Variants in THOC1 observed in about 807,000 individuals in gnomAD.
THOC1 encodes the protein THO complex subunit 1.
Under a neutral mutation model 97.3 loss-of-function variants are expected in THOC1, and 29 were observed. That is an observed-to-expected ratio of 0.30 (90% CI 0.22 to 0.41). The LOEUF is 0.41. Ranked by LOEUF, THOC1 falls within the 10% of genes least tolerant of loss-of-function variation. THOC1 has a pLI of 1.00. For synonymous variants in THOC1, 255 were observed against 257.0 expected, an observed-to-expected ratio of 0.99 and a Z score of 0.07; for missense variants, 529 against 761.9, an observed-to-expected ratio of 0.69 and a Z score of 3.60.
chr18:246,714 C>T (rs1411339775), intron 10 of THOC1, among the ~76,000 whole-genome samples: 1 of 151,986 alleles, frequency 6.6e-6, no homozygotes, highest in Non-Finnish European at 1.5e-5. Flanking sequence ...TGGTGGCTCA[C>T]GCCTGTAATC....
chr18:252,961 T>C (rs1371735088), intron 8 of THOC1, among the ~76,000 whole-genome samples: 1 of 152,338 alleles, frequency 6.6e-6, no homozygotes, highest in East Asian at 1.9e-4. Flanking sequence ...ACAGCATGAA[T>C]AGCTAATTCA....
intron 15 of THOC1, 102 bp from the exon 16 acceptor site, chr18:224,281 A>G (rs1244568507): frequency 1.1e-6 from 1 of 934,520 alleles, no homozygotes; most frequent in Non-Finnish European, 1.6e-6. Context: ...TTTTCCTCTT[A>G]AAAAAGATGA....
intron 11 of THOC1, among the ~76,000 whole-genome samples, chr18:232,945 T>C (rs930505350): frequency 6.6e-6 from 1 of 152,250 alleles, no homozygotes; most frequent in Non-Finnish European, 1.5e-5. Flanking sequence ...TTTTGAATAC[T>C]AATTTTTCCC....
rs1911246425 is a variant in THOC1, at chr18:225,419, A to G, written c.1020-16T>C. On this transcript the variant is annotated splice_polypyrimidine_tract_variant and intron_variant, in intron 12 of 20. Transcript: ENST00000261600. ...ATAGTTTGAACTAGGGAACAAAGCA[A>G]TGAAAGCATGCTTGAGTTACAGCAA... 7.5e-6 allele frequency: 12 copies of G among 1,608,964 alleles called. No homozygotes were observed. Among genetic ancestry groups the G allele is most frequent in the Non-Finnish European group, 1.0e-5 (12 of 1,177,472 alleles).
At chr18:260,018 A>G (rs1912554036) in intron 5 of THOC1, 168 bp downstream of exon 5, 1 of 533,410 alleles carries the variant, frequency 1.9e-6, no homozygotes, top group East Asian at 3.4e-5. Flanking sequence ...TTCTCCACAC[A>G]TGGTTTTTAT....
At chr18:216,884 T>G (rs537069902) in intron 18 of THOC1, among the ~76,000 whole-genome samples, 1 of 152,336 alleles carries the variant, frequency 6.6e-6, no homozygotes, top group African/African-American at 2.4e-5. Flanking sequence ...AGCAAACACA[T>G]TTTCAAAGTT....
chr18:248,711 TTGA>T (rs1467432394), intron 9 of THOC1, among the ~76,000 whole-genome samples: 3 of 152,164 alleles, frequency 2.0e-5, no homozygotes, highest in African/African-American at 7.2e-5. Flanking sequence ...ACTTCTAATC[TTGA>T]TATGTCACAA....
chr18:229,398 T>C (rs993871514), intron 11 of THOC1, among the ~76,000 whole-genome samples: 3 of 152,184 alleles, frequency 2.0e-5, no homozygotes, highest in African/African-American at 4.8e-5. Context: ...AGTGTTTTTG[T>C]CGGCTGGGTG....
In THOC1 at chr18:267,958, C is replaced by T. The variant is rs773647678; in HGVS notation, c.54+8G>A. ...GGTCAGGCCTGCACCCTCCCCTCTA[C>T]AGCTCACCGTAAACCGCGTCCGCGC... On this transcript the variant is annotated splice_region_variant and intron_variant, in intron 1 of 20. Coordinates refer to ENST00000261600, the MANE Select transcript of THOC1 (RefSeq NM_005131.3). 1 of 1,611,530 alleles carries T rather than the reference C, an allele frequency of 6.2e-7. No homozygotes were observed.
At chr18:244,597 T>C (rs1384251833) in intron 11 of THOC1, 2 of 152,240 alleles carry the variant, frequency 1.3e-5, no homozygotes, top group African/African-American at 4.8e-5. Context: ...CCCAGTATAT[T>C]TGTCTTTCTT....
chr18:243,888 G>C (rs539221955), intron 11 of THOC1, among the ~76,000 whole-genome samples: 11 of 152,136 alleles, frequency 7.2e-5, no homozygotes, highest in African/African-American at 2.4e-4. Flanking sequence ...AGTCTTATTA[G>C]GTATATTAAA....
intron 1 of THOC1, among the ~76,000 whole-genome samples, chr18:265,920 C>G (rs1912753005): frequency 6.6e-6 from 1 of 152,178 alleles, no homozygotes; most frequent in South Asian, 2.1e-4. Context: ...ACTTAATTCC[C>G]AATACTCCCT....
chr18:251,790 C>T (rs1199002045), intron 9 of THOC1, among the ~76,000 whole-genome samples: 1 of 152,196 alleles, frequency 6.6e-6, no homozygotes, highest in East Asian at 1.9e-4. Flanking sequence ...TGGTTCCCGC[C>T]CTGCGCTCTG....
intron 4 of THOC1, chr18:263,500 T>C (rs891684331): frequency 3.9e-5 from 6 of 152,428 alleles, no homozygotes; most frequent in Non-Finnish European, 8.8e-5. Context: ...GCTATTCCTT[T>C]CTTAGTATGT....
chr18:264,542 A>C (rs1239950788), intron 3 of THOC1, among the ~76,000 whole-genome samples: 1 of 152,238 alleles, frequency 6.6e-6, no homozygotes, highest in East Asian at 1.9e-4. Context: ...AGTGTTCATT[A>C]AGTGCTGTTT....
rs1365252011 is a variant in THOC1, at chr18:214,803, A to G, written c.1797T>C (p.Ile599=). 6.2e-7 allele frequency: 1 copy of G among 1,613,896 alleles called. No individual in the cohort carries two copies. Among genetic ancestry groups the G allele is most frequent in the South Asian group, 1.1e-5 (1 of 91,076 alleles). Residue 599 remains isoleucine (I), a synonymous_variant, in exon 21 of 21, where the codon ATT becomes ATC. Transcript: ENST00000261600. Reference sequence around the variant, plus strand: ...CTTCACTGTCACACTCAATCTGCCTAATTTCTGAGTCTTTCATTTCCAAGT... The same window carrying G: ...CTTCACTGTCACACTCAATCTGCCTGATTTCTGAGTCTTTCATTTCCAAGT... ...APYLEMKDSE[I]RQIECDSEDM...
chr18:243,867 CA>C (rs1204816305), intron 11 of THOC1, among the ~76,000 whole-genome samples: 1 of 151,936 alleles, frequency 6.6e-6, no homozygotes, highest in African/African-American at 2.4e-5. Flanking sequence ...TTTAAAAATC[CA>C]ATCTGATAAA....
Position 252,600 on chromosome 18 carries a change from T to C in THOC1, c.616A>G (p.Arg206Gly), listed in dbSNP as rs1243699806. The C allele has an allele frequency of 1.2e-6, 2 of 1,607,450 alleles. No homozygotes were observed. The highest frequency in any genetic ancestry group is 2.7e-5 in the African/African-American group (2 of 74,384). Reference protein sequence around the residue: ...STLGQKHTEDREEGMDVEEGE... With the variant: ...STLGQKHTEDGEEGMDVEEGE... ...TCTTCTACATCCATTCCTTCTTCTC[T>C]ATCTTCAGTGTGCTAAATTGAAAAA... The change falls in exon 9 of 21, where the codon AGA (arginine) becomes GGA (glycine). Residue 206 changes from arginine to glycine, a missense_variant. By Grantham distance (125) the Arg-to-Gly change is moderately radical. Transcript: ENST00000261600.
chr18:249,754 T>C (rs1912220552), intron 9 of THOC1, among the ~76,000 whole-genome samples: 1 of 152,108 alleles, frequency 6.6e-6, no homozygotes, highest in African/African-American at 2.4e-5. Context: ...ATTATTTACA[T>C]TCATGAAAGA....
Sources: allele counts gnomAD v4.1 joint callset (sites outside exome capture counted in the v4.1 genomes callset), GRCh38; gene constraint gnomAD v4.1.1; transcripts MANE v1.5; gene names NCBI Gene and HGNC (gene_info 2026-07-23, HGNC 2026-07-21).